The following RAB9B variants were observed in gnomAD, a reference collection of about 807,000 sequenced individuals.
RAB9B encodes the protein RAB9B, member RAS oncogene family.
In RAB9B, 1 loss-of-function variant was observed where a neutral mutation model predicts 8.9. The observed-to-expected ratio is 0.11, with a 90% CI of 0.04 to 0.53. The LOEUF is 0.53. RAB9B is among the 20% of genes least tolerant of loss of function. The pLI, the probability that RAB9B is intolerant of heterozygous loss-of-function variation, is 0.93. For missense variants in RAB9B, 82 were observed against 152.9 expected (o/e 0.54, Z 2.45); for synonymous variants, 63 against 57.0 (o/e 1.10, Z -0.47).
chrX:103,796,272 G>A, the RAB9B span, among the ~76,000 whole-genome samples: 1 of 111,770 alleles, frequency 8.9e-6, no homozygotes, highest in Admixed American at 9.5e-5. Flanking sequence ...CTTGAGGTCA[G>A]GAGTTCAAGA....
the RAB9B span, among the ~76,000 whole-genome samples, chrX:103,798,091 G>A: frequency 2.7e-5 from 3 of 111,322 alleles, no homozygotes; most frequent in Non-Finnish European, 5.6e-5. Flanking sequence ...AAGATCCCAG[G>A]ACGATTTGTA....
the RAB9B span, among the ~76,000 whole-genome samples, chrX:103,798,440 C>T: frequency 9.0e-6 from 1 of 111,364 alleles, no homozygotes; most frequent in East Asian, 2.8e-4. Flanking sequence ...TTAAACTGCC[C>T]TTGGCTCGAA....
chrX:103,800,389 G>A, the RAB9B span, among the ~76,000 whole-genome samples: 1 of 111,585 alleles, frequency 9.0e-6, no homozygotes, highest in Non-Finnish European at 1.9e-5. Context: ...TTGAAACCAA[G>A]TGAAGTTTCC....
chrX:103,786,447 G>A, the RAB9B span: 1 of 1,205,796 alleles, frequency 8.3e-7, no homozygotes, highest in Non-Finnish European at 1.1e-6. Context: ...GGTCTCGTTT[G>A]TCTACCTGTT....
intron 1 of RAB9B, among the ~76,000 whole-genome samples, chrX:103,828,197 A>C (rs1249769669): frequency 8.9e-6 from 1 of 111,842 alleles, no homozygotes; most frequent in African/African-American, 3.3e-5. Context: ...TTATTTTCTA[A>C]ATATAGATAA....
the RAB9B span, among the ~76,000 whole-genome samples, chrX:103,794,018 A>C: frequency 8.9e-6 from 1 of 112,106 alleles, no homozygotes; most frequent in East Asian, 2.8e-4. Context: ...TTCATTGAGA[A>C]ACTACTAAGT....
At chrX:103,790,712 T>C in the RAB9B span, 1 of 584,595 alleles carries the variant, frequency 1.7e-6, no homozygotes, top group African/African-American at 2.2e-5. Context: ...CTCTTCTTAC[T>C]TGATGAGTGT....
chrX:103,803,060 G>A, the RAB9B span, among the ~76,000 whole-genome samples: 1 of 111,485 alleles, frequency 9.0e-6, no homozygotes, highest in East Asian at 2.8e-4. Flanking sequence ...ATATATATTC[G>A]ATTGCATGGG....
chrX:103,813,745 CAAAAAAAAAAAA>C, the RAB9B span, among the ~76,000 whole-genome samples: 7 of 8,542 alleles, frequency 8.2e-4, no homozygotes, highest in Non-Finnish European at 9.6e-4. Context: ...AAATGGAAAG[CAAAAAAAAAAAA>C]AAAAAAAAAA....
At chrX:103,811,024 T>C in the RAB9B span, among the ~76,000 whole-genome samples, 1 of 111,854 alleles carries the variant, frequency 8.9e-6, no homozygotes. Flanking sequence ...GGAATCCTTG[T>C]TTTGAGTGGC....
At chrX:103,780,161 G>T in the RAB9B span, 2 of 112,898 alleles carry the variant, frequency 1.8e-5, no homozygotes, top group African/African-American at 6.4e-5. Flanking sequence ...TGTCTGCCAG[G>T]CAGGGCTCTA....
chrX:103,789,132 CTGGGTGTTAA>C, the RAB9B span: 679 of 472,595 alleles, frequency 1.4e-3, 4 homozygotes, highest in South Asian at 9.5e-3. Context: ...ATTCTGTGAT[CTGGGTGTTAA>C]TGGGCCAGGT....
At chrX:103,825,938 A>G in intron 2 of RAB9B, 112 bp from the exon 3 acceptor site, 2 of 539,211 alleles carry the variant, frequency 3.7e-6, no homozygotes, top group South Asian at 3.8e-5. Flanking sequence ...TCTCTGATTT[A>G]TGCTCATTAA....
At chrX:103,803,627 G>C in the RAB9B span, among the ~76,000 whole-genome samples, 2 of 112,680 alleles carry the variant, frequency 1.8e-5, no homozygotes, top group Non-Finnish European at 3.8e-5. Flanking sequence ...CGCCCAGGCT[G>C]GAGTGCAGTG....
the RAB9B span, chrX:103,788,681 T>C: frequency 1.2e-4 from 59 of 507,382 alleles, no homozygotes; most frequent in Non-Finnish European, 2.0e-4. Context: ...GCATAGAAGG[T>C]AAAACACCTG....
chrX:103,782,249 T>G, the RAB9B span, among the ~76,000 whole-genome samples: 1 of 112,317 alleles, frequency 8.9e-6, no homozygotes, highest in Non-Finnish European at 1.9e-5. Flanking sequence ...GAATTGTTTA[T>G]AGCTTAATAG....
At chrX:103,826,351 C>T (rs1001059636) in intron 2 of RAB9B, among the ~76,000 whole-genome samples, 8 of 111,803 alleles carry the variant, frequency 7.2e-5, no homozygotes, top group African/African-American at 1.6e-4. Context: ...AACAAGGTTA[C>T]GTTTCTTCAG....
At chrX:103,812,638 C>A in the RAB9B span, among the ~76,000 whole-genome samples, 1 of 112,086 alleles carries the variant, frequency 8.9e-6, no homozygotes, top group African/African-American at 3.2e-5. Context: ...GGAGGCACAA[C>A]TTCTCAGTAG....
chrX:103,819,612 C>T (rs113860459), downstream of RAB9B, among the ~76,000 whole-genome samples: 20 of 111,648 alleles, frequency 1.8e-4, no homozygotes, highest in African/African-American at 6.5e-4. Context: ...ATTACCACTA[C>T]CATCACTAGC....
Sources: allele counts gnomAD v4.1 joint callset (sites outside exome capture counted in the v4.1 genomes callset), GRCh38; gene constraint gnomAD v4.1.1; transcripts MANE v1.5; gene names NCBI Gene and HGNC (gene_info 2026-07-23, HGNC 2026-07-21).